The following IQGAP1 variants were observed in gnomAD, a reference collection of about 807,000 sequenced individuals.
IQGAP1 encodes ras GTPase-activating-like protein IQGAP1.
A neutral mutation model predicts 215.6 loss-of-function variants in IQGAP1; 66 were observed. That is an observed-to-expected ratio of 0.31 (90% CI 0.25 to 0.38). The LOEUF (loss-of-function observed/expected upper bound fraction) is 0.38, where lower values mean the gene tolerates loss of function less well. Ranked by LOEUF, IQGAP1 falls within the 10% of genes least tolerant of loss-of-function variation. IQGAP1 has a pLI of 1.00. For missense variants in IQGAP1, 1,712 were observed against 1,997.1 expected (o/e 0.86, Z 2.72); for synonymous variants, 772 against 728.7 (o/e 1.06, Z -0.96).
intron 3 of IQGAP1, 121 bp from the exon 4 acceptor site, chr15:90,429,468 A>G (rs565149063): frequency 5.8e-5 from 38 of 657,382 alleles, no homozygotes; most frequent in Non-Finnish European, 9.2e-5. Flanking sequence ...ATGTGAGCAT[A>G]ATGACATCAA....
intron 6 of IQGAP1, among the ~76,000 whole-genome samples, chr15:90,439,765 G>T (rs985146191): frequency 6.6e-6 from 1 of 152,124 alleles, no homozygotes; most frequent in Non-Finnish European, 1.5e-5. Context: ...TCTGTTGTGG[G>T]CAAAGCAAGA....
In IQGAP1 at chr15:90,453,125, T is replaced by G. The variant is rs1965629668; in HGVS notation, c.1327-7T>G. 3.1e-6 allele frequency: 5 copies of G among 1,605,636 alleles called. No individual in the cohort carries two copies. In the African/African-American group the frequency reaches 5.4e-5, roughly 17 times the overall value. On this transcript the variant is annotated splice_polypyrimidine_tract_variant and splice_region_variant and intron_variant, in intron 12 of 37. Coordinates refer to ENST00000268182, the MANE Select transcript of IQGAP1 (RefSeq NM_003870.4). ...CACTGTTTTCCCTTCTGTCCCTTTC[T>G]GTACAGCATAATCTCACCCACCCAG...
rs11386365 is a variant in IQGAP1 at position 90,501,155 on chromosome 15, T to TG, written c.*1047_*1048insG. On this transcript the variant is annotated 3_prime_UTR_variant, in exon 38 of 38. Transcript: ENST00000268182. ...AAACACTAGGATTTATCTGCAGTGT[T>TG]CAGGGAGATAATTCTGCCTTTAATT... 129,171 of 152,350 alleles carry TG rather than the reference T, an allele frequency of 0.85. 55,460 individuals carry two copies. Among genetic ancestry groups the TG allele is most frequent in the African/African-American group, 0.9 (37,471 of 41,446 alleles). The allele number at this position is 152,350 out of a possible 1,614,324, so 9.4% of individuals were successfully genotyped here.
At chr15:90,489,077 GCATTTTGTAGGGTTGGATGAGTCATGT>G (rs1966168236) in intron 33 of IQGAP1, among the ~76,000 whole-genome samples, 1 of 151,780 alleles carries the variant, frequency 6.6e-6, no homozygotes, top group Non-Finnish European at 1.5e-5. Context: ...TTGGGTCCTG[GCATTTTGTAGGGTTGGATGAGTCATGT>G]CATATCTAAG....
chr15:90,402,002 T>A (rs965885131), intron 2 of IQGAP1, among the ~76,000 whole-genome samples: 4 of 152,206 alleles, frequency 2.6e-5, no homozygotes, highest in African/African-American at 7.2e-5. Flanking sequence ...GCTGGTGCTC[T>A]TAACTTCTGC....
At chr15:90,391,128 C>T in intron 2 of IQGAP1, 1 of 318,678 alleles carries the variant, frequency 3.1e-6, no homozygotes, top group Non-Finnish European at 6.1e-6. Context: ...GTCCTAGCTA[C>T]TCGGGAGCCT....
At chr15:90,443,619 A>T in intron 9 of IQGAP1, 141 bp downstream of exon 9, 2 of 579,824 alleles carry the variant, frequency 3.4e-6, no homozygotes, top group Non-Finnish European at 6.2e-6. Flanking sequence ...GCTTGTTAAC[A>T]ATCTTTTGTG....
intron 1 of IQGAP1, among the ~76,000 whole-genome samples, chr15:90,390,478 T>C (rs1408082589): frequency 6.6e-6 from 1 of 152,192 alleles, no homozygotes; most frequent in African/African-American, 2.4e-5. Flanking sequence ...TTAGAAGGAG[T>C]TCTGGCAGAT....
Position 90,487,021 on chromosome 15 carries a change from C to A in IQGAP1, c.4092C>A (p.Thr1364=), listed in dbSNP as rs781510789. The change falls in exon 32 of 38, where the codon ACC becomes ACA. Residue 1364 remains threonine, a synonymous_variant. Coordinates refer to ENST00000268182, the MANE Select transcript of IQGAP1 (RefSeq NM_003870.4). The part of the protein sequence containing the change: ...EALAKTEVSL[T]LTNKFDVPGD... ...TGGCTAAGACGGAAGTGTCTCTCAC[C>A]CTGACCAACAAGTTCGACGTGCCTG... 7 of 1,614,018 alleles carry A rather than the reference C, an allele frequency of 4.3e-6. No homozygotes were observed. The highest frequency in any genetic ancestry group is 1.7e-5 in the Admixed American group (1 of 60,014).
intron 23 of IQGAP1, 94 bp from the exon 24 acceptor site, chr15:90,476,569 C>A: frequency 1.1e-6 from 1 of 891,230 alleles, no homozygotes; most frequent in Non-Finnish European, 1.7e-6. Flanking sequence ...AGTACACCTT[C>A]ATGTGAGTTT....
In IQGAP1 at chr15:90,474,577, A is replaced by T. The variant is rs1965951625; in HGVS notation, c.2668A>T (p.Met890Leu). The change falls in exon 23 of 38, where the codon ATG (methionine) becomes TTG (leucine). Residue 890 changes from methionine (M) to leucine (L), a missense_variant. Physicochemically the swap from Met to Leu is conservative, Grantham distance 15. Around this residue, in one of 2 missense-constraint regions of IQGAP1, gnomAD observed 1,021 missense variants for 1,074.2 expected, o/e 0.95. Transcript: ENST00000268182. ...GGATTTTCAGGAGGAGCTTGACCTT[A>T]TGAAGATGCGGGAAGAGGTTATCAC... ...DQDFQEELDL[M>L]KMREEVITLI... The T allele has an allele frequency of 1.2e-6, 2 of 1,614,116 alleles. No homozygotes were observed. Among genetic ancestry groups the T allele is most frequent in the South Asian group, 1.1e-5 (1 of 91,084 alleles).
chr15:90,445,087 A>C (rs1965508499), intron 9 of IQGAP1, among the ~76,000 whole-genome samples: 1 of 152,070 alleles, frequency 6.6e-6, no homozygotes, highest in Admixed American at 6.5e-5. Flanking sequence ...GCACCACTGC[A>C]CTGTAGCCTG....
At chr15:90,483,617 T>G in intron 29 of IQGAP1, 24 bp downstream of exon 29, 1 of 1,488,424 alleles carries the variant, frequency 6.7e-7, no homozygotes, top group Non-Finnish European at 9.3e-7. Flanking sequence ...CACAAGTGCT[T>G]AAGAGAGTCT....
chr15:90,444,279 G>GTGTGTATA (rs773341335), intron 9 of IQGAP1, among the ~76,000 whole-genome samples: 16 of 72,972 alleles, frequency 2.2e-4, no homozygotes, highest in African/African-American at 1.1e-3. Flanking sequence ...GTGTGTGTGT[G>GTGTGTATA]TATATATATA....
intron 30 of IQGAP1, among the ~76,000 whole-genome samples, 156 bp downstream of exon 30, chr15:90,484,508 GTTTA>G (rs888073725): frequency 5.9e-5 from 9 of 151,652 alleles, no homozygotes; most frequent in African/African-American, 1.7e-4. Flanking sequence ...ATTCTTTTTT[GTTTA>G]TTTATTTATT....
At chr15:90,389,341 CTT>C (rs563216137) in intron 1 of IQGAP1, among the ~76,000 whole-genome samples, 41 of 128,334 alleles carry the variant, frequency 3.2e-4, no homozygotes, top group African/African-American at 5.2e-4. Flanking sequence ...CGGGAGGTGA[CTT>C]TTTTTTTTTT....
chr15:90,391,437 T>C (rs1185770468), intron 2 of IQGAP1: 2 of 152,254 alleles, frequency 1.3e-5, no homozygotes, highest in African/African-American at 4.8e-5. Context: ...CTTATGCTTA[T>C]TGTGCATGTT....
chr15:90,422,666 A>ATATATATATATG lies in IQGAP1; in HGVS notation c.156-3433_156-3432insGTATATATATAT, dbSNP rs1313709256. Among the ~76,000 whole-genome samples, 6 of 120,632 alleles carry ATATATATATATG rather than the reference A, an allele frequency of 5.0e-5. No homozygotes were observed. The East Asian group carries it at 1.8e-3, about 35-fold the overall frequency. The allele number at this position is 120,632 out of a possible 152,430, so 79.1% of individuals were successfully genotyped here. A position where few individuals can be genotyped will look rare whatever the true frequency, so the allele number is the denominator to read the frequency against. Reference sequence around the variant, plus strand: ...TATATGTATATATATATATGTATATATATATATATATATAATTTTTGAGAC... The same window carrying ATATATATATATG: ...TATATGTATATATATATATGTATATATATATATATATGTATATATATATATAATTTTTGAGAC... On this transcript the variant is annotated intron_variant, in intron 2 of 37. Transcript: ENST00000268182.
chr15:90,461,198 C>G (rs1049759962), intron 15 of IQGAP1, among the ~76,000 whole-genome samples: 2 of 151,650 alleles, frequency 1.3e-5, no homozygotes, highest in Admixed American at 1.3e-4. Flanking sequence ...ATCGCAGCTA[C>G]CCAGGAGGCT....
Sources: allele counts gnomAD v4.1 joint callset (sites outside exome capture counted in the v4.1 genomes callset), GRCh38; gene constraint gnomAD v4.1.1; regional missense constraint gnomAD v4.1.1; transcripts MANE v1.5; gene names NCBI Gene and HGNC (gene_info 2026-07-23, HGNC 2026-07-21).